The following PRKG1 variants were observed in gnomAD, a reference collection of about 807,000 sequenced individuals.
PRKG1 encodes the protein cGMP-dependent protein kinase 1.
In PRKG1, 35 loss-of-function variants were observed where a neutral mutation model predicts 88.1. The observed-to-expected ratio is 0.40, with a 90% CI of 0.30 to 0.53. The LOEUF is 0.53. PRKG1 is among the 20% of genes least tolerant of loss of function. The pLI, the probability that PRKG1 is intolerant of heterozygous loss-of-function variation, is 0.59. For synonymous variants in PRKG1, 303 were observed against 292.5 expected, an observed-to-expected ratio of 1.04 and a Z score of -0.37; for missense variants, 540 against 839.8, an observed-to-expected ratio of 0.64 and a Z score of 4.41.
chr10:51,580,590 G>A (rs1458268484), intron 3 of PRKG1, among the ~76,000 whole-genome samples: 1 of 151,986 alleles, frequency 6.6e-6, no homozygotes, highest in Non-Finnish European at 1.5e-5. Context: ...AGAGAATTAA[G>A]CTCTTGTCCA....
intron 2 of PRKG1, among the ~76,000 whole-genome samples, chr10:51,430,263 G>T (rs59935813): frequency 0.023 from 3,555 of 151,868 alleles, 99 homozygotes; most frequent in Middle Eastern, 0.058. Context: ...AAAAATTAAA[G>T]AAAAAATTAA....
intron 1 of PRKG1, among the ~76,000 whole-genome samples, chr10:51,124,219 T>C (rs1484936037): frequency 6.6e-6 from 1 of 152,204 alleles, no homozygotes; most frequent in Non-Finnish European, 1.5e-5. Flanking sequence ...TCTTTTTCTC[T>C]GATTATCTTT....
At chr10:51,430,622 A>C (rs1190608411) in intron 2 of PRKG1, among the ~76,000 whole-genome samples, 2 of 152,198 alleles carry the variant, frequency 1.3e-5, no homozygotes, top group East Asian at 3.9e-4. Context: ...ATGAAATAAA[A>C]ACATATGTCC....
intron 7 of PRKG1, among the ~76,000 whole-genome samples, chr10:52,120,023 GGC>G (rs1331307402): frequency 6.6e-6 from 1 of 151,730 alleles, no homozygotes; most frequent in Non-Finnish European, 1.5e-5. Context: ...GAGAGACAGA[GGC>G]AGAGAGACAG....
At chr10:51,929,016 A>G (rs1842633988) in intron 5 of PRKG1, among the ~76,000 whole-genome samples, 1 of 152,178 alleles carries the variant, frequency 6.6e-6, no homozygotes, top group African/African-American at 2.4e-5. Flanking sequence ...TCATAAATAC[A>G]CCCCATACCA....
At chr10:52,148,971 T>A (rs1458464272) in intron 8 of PRKG1, among the ~76,000 whole-genome samples, 5 of 146,738 alleles carry the variant, frequency 3.4e-5, no homozygotes. Flanking sequence ...TTTTTTTTTT[T>A]TTTTTTTTTT....
In PRKG1 at chr10:51,583,451, A is replaced by C. The variant is rs898146649; in HGVS notation, c.592+115615A>C. Among the ~76,000 whole-genome samples, 6 of 152,100 alleles carry C rather than the reference A, an allele frequency of 3.9e-5. 1 individual carries two copies. The South Asian group carries it at 1.2e-3, about 32-fold the overall frequency. ...AAGCACCATCTGCTCTATTGCTCAGACCTAGACCAAAGATGTTTCCTTCAT... is the reference window on the plus strand; with the variant it reads ...AAGCACCATCTGCTCTATTGCTCAGCCCTAGACCAAAGATGTTTCCTTCAT... On this transcript the variant is annotated intron_variant, in intron 3 of 17. Coordinates refer to ENST00000373980, the MANE Select transcript of PRKG1 (RefSeq NM_006258.4).
chr10:51,924,414 CCT>C (rs1842527842), intron 5 of PRKG1, among the ~76,000 whole-genome samples: 1 of 151,942 alleles, frequency 6.6e-6, no homozygotes, highest in Admixed American at 6.6e-5. Flanking sequence ...AATTCTTACC[CCT>C]GTTTCTCTAT....
chr10:51,463,876 A>G (rs1483175881), intron 2 of PRKG1, among the ~76,000 whole-genome samples: 2 of 152,232 alleles, frequency 1.3e-5, no homozygotes, highest in African/African-American at 2.4e-5. Context: ...CCTCGTTCAC[A>G]TAACAGGTGT....
chr10:51,028,449 G>T (rs547749853), intron 1 of PRKG1, among the ~76,000 whole-genome samples: 2 of 152,240 alleles, frequency 1.3e-5, no homozygotes, highest in East Asian at 1.9e-4. Context: ...ATTGGATTTG[G>T]CTGTATTCTC....
At chr10:51,148,792 T>G in intron 1 of PRKG1, among the ~76,000 whole-genome samples, 1 of 152,170 alleles carries the variant, frequency 6.6e-6, no homozygotes, top group Non-Finnish European at 1.5e-5. Context: ...CTTTCAGTAT[T>G]CATTAATTGA....
chr10:52,059,618 G>A (rs1435630290), intron 6 of PRKG1, among the ~76,000 whole-genome samples: 4 of 151,872 alleles, frequency 2.6e-5, no homozygotes, highest in African/African-American at 9.7e-5. Context: ...CTATAAGGGT[G>A]AGGAATGAGA....
At chr10:51,246,904 A>G (rs1839307081) in intron 2 of PRKG1, among the ~76,000 whole-genome samples, 1 of 152,066 alleles carries the variant, frequency 6.6e-6, no homozygotes, top group African/African-American at 2.4e-5. Context: ...TATATCTTCC[A>G]GTTCTTAAAC....
chr10:52,293,315 T>C (rs1374220084), intron 17 of PRKG1, among the ~76,000 whole-genome samples: 1 of 151,232 alleles, frequency 6.6e-6, no homozygotes, highest in Non-Finnish European at 1.5e-5. Context: ...AGAATCAATA[T>C]CGTGAAAATG....
At chr10:51,021,487 C>G (rs557410912) in intron 1 of PRKG1, among the ~76,000 whole-genome samples, 1 of 152,292 alleles carries the variant, frequency 6.6e-6, no homozygotes, top group African/African-American at 2.4e-5. Flanking sequence ...ACAATTATAT[C>G]ATCAGTTAAT....
intron 2 of PRKG1, among the ~76,000 whole-genome samples, chr10:51,368,955 T>A (rs1055520321): frequency 6.6e-6 from 1 of 152,096 alleles, no homozygotes; most frequent in East Asian, 1.9e-4. Context: ...GTTATTAAAT[T>A]CTAGGTGAAG....
intron 9 of PRKG1, among the ~76,000 whole-genome samples, chr10:52,216,429 T>C (rs1300004086): frequency 6.6e-6 from 1 of 152,196 alleles, no homozygotes; most frequent in Non-Finnish European, 1.5e-5. Context: ...CAAAATCAAA[T>C]CACACTGGCA....
At chr10:52,288,269 A>C (rs186013245) in intron 14 of PRKG1, among the ~76,000 whole-genome samples, 2 of 152,258 alleles carry the variant, frequency 1.3e-5, no homozygotes, top group East Asian at 3.9e-4. Context: ...AGTGCTCGGC[A>C]TTTCAGTGGA....
intron 5 of PRKG1, among the ~76,000 whole-genome samples, chr10:51,945,862 G>A (rs1282428587): frequency 1.3e-5 from 2 of 151,620 alleles, no homozygotes; most frequent in African/African-American, 4.9e-5. Flanking sequence ...TGGGTAACCC[G>A]ACCTTTCTCT....
Sources: allele counts gnomAD v4.1 joint callset (sites outside exome capture counted in the v4.1 genomes callset), GRCh38; gene constraint gnomAD v4.1.1; transcripts MANE v1.5; gene names NCBI Gene and HGNC (gene_info 2026-07-23, HGNC 2026-07-21).